Variants in PCDHGB6 observed in about 807,000 individuals in gnomAD.
The protein encoded by PCDHGB6 is protocadherin gamma-B6.
A neutral mutation model predicts 59.1 loss-of-function variants in PCDHGB6; 51 were observed. That is an observed-to-expected ratio of 0.86 (90% CI 0.69 to 1.09). The LOEUF (loss-of-function observed/expected upper bound fraction) is 1.09, where lower values mean the gene tolerates loss of function less well. Among genes scored for constraint, PCDHGB6 ranks in the 50% least tolerant of loss-of-function variants. PCDHGB6 has a pLI of 0.00. For missense variants in PCDHGB6, 1,148 were observed against 1,205.1 expected (o/e 0.95, Z 0.70); for synonymous variants, 466 against 495.1 (o/e 0.94, Z 0.78).
In PCDHGB6 at chr5:141,505,438, T is replaced by C. The variant is rs149352680; in HGVS notation, c.2523T>C (p.Phe841=). The C allele has an allele frequency of 6.8e-6, 11 of 1,614,046 alleles. No homozygotes were observed. The African/African-American group carries it at 1.5e-4, about 22-fold the overall frequency. The stretch of plus-strand genomic sequence containing the variant: ...CCGGCACCTGGCCCAACAACCAGTT[T>C]GACACAGAGATGCTGCAAGCCATGA... ...DDTGTWPNNQ[F]DTEMLQAMIL... Residue 841 remains phenylalanine, a synonymous_variant, in exon 3 of 4, where the codon TTT becomes TTC. Transcript: ENST00000520790.
chr5:141,484,883 G>GCC (rs1231530221), intron 1 of PCDHGB6: 2 of 352,506 alleles, frequency 5.7e-6, no homozygotes, highest in Admixed American at 9.0e-5. Flanking sequence ...GATAGGGTGG[G>GCC]CTTTTTCCCC....
intron 1 of PCDHGB6, chr5:141,418,211 C>T (rs752988020): frequency 1.2e-6 from 2 of 1,613,916 alleles, no homozygotes; most frequent in East Asian, 4.5e-5. Context: ...AAATATTTTT[C>T]ATGTCATTGT....
rs186638311 is a variant in PCDHGB6, at chr5:141,492,901, T to C, written c.2419-1906T>C. 3.7e-3 allele frequency among the ~76,000 whole-genome samples: 568 copies of C among 152,326 alleles called. 5 individuals carry two copies. The highest frequency in any genetic ancestry group is 0.011 in the Admixed American group (163 of 15,308). On this transcript the variant is annotated intron_variant, in intron 1 of 3. Coordinates refer to ENST00000520790, the MANE Select transcript of PCDHGB6 (RefSeq NM_018926.3). ...GAGATACAGGCTTTTGGCGCCGTCG[T>C]GATCACAATGTGCCCAGCGATCTAG...
chr5:141,474,188 T>C (rs1203777014), intron 1 of PCDHGB6, among the ~76,000 whole-genome samples: 1 of 152,216 alleles, frequency 6.6e-6, no homozygotes, highest in Non-Finnish European at 1.5e-5. Context: ...CTACTTACAT[T>C]TTTAAAAGCT....
chr5:141,495,221 G>A lies in PCDHGB6; in HGVS notation c.2477+356G>A, dbSNP rs376660961. On this transcript the variant is annotated intron_variant, in intron 2 of 3. Coordinates refer to ENST00000520790, the MANE Select transcript of PCDHGB6 (RefSeq NM_018926.3). ...ACTGCCTAACCCCCTCCCCTGAGTT[G>A]AGCTGGGCTCCATTATGACCTGGGG... Among the ~76,000 whole-genome samples, 26 of 152,300 alleles carry A rather than the reference G, an allele frequency of 1.7e-4. 1 individual carries two copies. The East Asian group carries it at 4.4e-3, about 26-fold the overall frequency.
At chr5:141,468,652 G>A (rs1206892693) in intron 1 of PCDHGB6, 2 of 149,062 alleles carry the variant, frequency 1.3e-5, no homozygotes, top group African/African-American at 2.5e-5. Context: ...GGATCACAAG[G>A]TCAGGAGATC....
At chr5:141,444,152 A>ATTTTTTTTTTTT (rs747671382) in intron 1 of PCDHGB6, among the ~76,000 whole-genome samples, 4 of 33,898 alleles carry the variant, frequency 1.2e-4, no homozygotes, top group Admixed American at 3.9e-4. Flanking sequence ...TGTGTACTGG[A>ATTTTTTTTTTTT]TTTTTTTTTT....
At chr5:141,468,194 G>A (rs959390749) in intron 1 of PCDHGB6, among the ~76,000 whole-genome samples, 21 of 151,716 alleles carry the variant, frequency 1.4e-4, no homozygotes, top group South Asian at 2.1e-4. Flanking sequence ...GCATGGTGGC[G>A]GGTGCCTGTA....
intron 1 of PCDHGB6, 41 bp from the exon 2 acceptor site, chr5:141,494,766 C>T (rs1017994327): frequency 6.2e-7 from 1 of 1,614,038 alleles, no homozygotes; most frequent in Non-Finnish European, 8.5e-7. Flanking sequence ...ATTCTAACTT[C>T]TCACGGGTAC....
At chr5:141,504,203 A>G (rs2099836487) in intron 2 of PCDHGB6, among the ~76,000 whole-genome samples, 1 of 152,248 alleles carries the variant, frequency 6.6e-6, no homozygotes, top group Non-Finnish European at 1.5e-5. Context: ...TCACTGTGGG[A>G]AAATTCCAAG....
intron 1 of PCDHGB6, among the ~76,000 whole-genome samples, chr5:141,444,872 G>T (rs2098449555): frequency 6.6e-6 from 1 of 152,120 alleles, no homozygotes. Context: ...ACAGGACAAA[G>T]CTTGTAGGAT....
rs756332070 is a variant in PCDHGB6, at chr5:141,431,578, C to A, written c.2418+20958C>A. The stretch of plus-strand genomic sequence containing the variant: ...ACGCTACCGACCCTGACGAAGGAGT[C>A]AATGCGGAAGTGAGGTATTCCTTCC... On this transcript the variant is annotated intron_variant, in intron 1 of 3. Transcript: ENST00000520790. This position sits in a 1 kb window ranked among gnomAD's most constrained non-coding sequence, Gnocchi z 4.8. 6.2e-7 allele frequency: 1 copy of A among 1,614,164 alleles called. No homozygotes were observed. Among genetic ancestry groups the A allele is most frequent in the African/African-American group, 1.3e-5 (1 of 75,060 alleles).
Position 141,408,308 on chromosome 5 carries a change from T to C in PCDHGB6, c.106T>C (p.Ser36Pro). 6.2e-7 allele frequency: 1 copy of C among 1,613,744 alleles called. No homozygotes were observed. The highest frequency in any genetic ancestry group is 1.1e-5 in the South Asian group (1 of 91,070). The part of the protein sequence containing the change: ...YPTLSEPIRY[S>P]IPEELAKGSV... Reference sequence around the variant, plus strand: ...CACCCTGAGTGAGCCGATCCGCTACTCGATTCCGGAGGAGCTGGCCAAGGG... The same window carrying C: ...CACCCTGAGTGAGCCGATCCGCTACCCGATTCCGGAGGAGCTGGCCAAGGG... Residue 36 changes from serine to proline, a missense_variant, in exon 1 of 4, where the codon TCG becomes CCG. Ser to Pro is a moderately conservative substitution (Grantham distance 74). This residue lies in a region of PCDHGB6 where 307 missense variants were observed against 323.8 expected (regional missense o/e 0.95). Transcript: ENST00000520790.
intron 1 of PCDHGB6, among the ~76,000 whole-genome samples, chr5:141,458,247 C>T (rs758242859): frequency 4.6e-5 from 7 of 152,100 alleles, no homozygotes; most frequent in South Asian, 2.1e-4. Flanking sequence ...CAAAATGATA[C>T]GGCTCTGATG....
intron 1 of PCDHGB6, chr5:141,478,541 G>T (rs905837179): frequency 1.2e-6 from 2 of 1,605,590 alleles, no homozygotes; most frequent in Non-Finnish European, 1.7e-6. Flanking sequence ...CGCCCCTCCC[G>T]GACAGGTAAG....
At chr5:141,480,871 C>T (rs1262582761) in intron 1 of PCDHGB6, among the ~76,000 whole-genome samples, 1 of 151,930 alleles carries the variant, frequency 6.6e-6, no homozygotes, top group Non-Finnish European at 1.5e-5. Context: ...ATGGTGAAAC[C>T]CCGTCTCTAC....
intron 1 of PCDHGB6, among the ~76,000 whole-genome samples, chr5:141,468,165 A>T (rs1249592462): frequency 1.3e-5 from 2 of 151,940 alleles, no homozygotes; most frequent in Non-Finnish European, 2.9e-5. Flanking sequence ...TCTCTGCTAA[A>T]AATAGAAAAA....
chr5:141,480,240 C>CAA (rs11374694), intron 1 of PCDHGB6, among the ~76,000 whole-genome samples: 156 of 114,060 alleles, frequency 1.4e-3, no homozygotes, highest in Admixed American at 4.6e-3. Flanking sequence ...CCTGTCTCTA[C>CAA]AAAAAAAAAA....
intron 1 of PCDHGB6, among the ~76,000 whole-genome samples, chr5:141,430,143 A>C (rs1451633366): frequency 2.0e-5 from 3 of 152,180 alleles, no homozygotes; most frequent in Non-Finnish European, 4.4e-5. Flanking sequence ...TCCATTCAGG[A>C]TCATTCAAGG....
Sources: gnomAD v4.1 joint callset for allele counts (sites outside exome capture counted in the v4.1 genomes callset) on GRCh38, gnomAD v4.1.1 for gene constraint, gnomAD v4.1.1 regional missense constraint, Gnocchi (gnomAD v3.1) non-coding constraint, MANE v1.5 for transcripts, NCBI Gene and HGNC (gene_info 2026-07-23, HGNC 2026-07-21) for gene names.